Variants in KIAA1217 observed in about 807,000 individuals in gnomAD.
The protein encoded by KIAA1217 is sickle tail protein homolog.
Under a neutral mutation model 163.9 loss-of-function variants are expected in KIAA1217, and 88 were observed. The ratio of observed to expected loss-of-function variants is 0.54; its 90% CI spans 0.45 to 0.64. The LOEUF (loss-of-function observed/expected upper bound fraction) is 0.64. Ranked by LOEUF, KIAA1217 falls within the 30% of genes least tolerant of loss-of-function variation. The probability of loss-of-function intolerance (pLI) is 0.00; values close to 1 mark genes in which losing one functional copy is unlikely to be tolerated. For synonymous variants in KIAA1217, 903 were observed against 923.1 expected, an observed-to-expected ratio of 0.98 and a Z score of 0.39; for missense variants, 2,372 against 2,475.0, an observed-to-expected ratio of 0.96 and a Z score of 0.88.
At chr10:23,861,524 C>A (rs1156749983) in intron 1 of KIAA1217, among the ~76,000 whole-genome samples, 1 of 152,144 alleles carries the variant, frequency 6.6e-6, no homozygotes, top group Non-Finnish European at 1.5e-5. Flanking sequence ...CCTGGATTAT[C>A]TGTGTGGGCC....
chr10:23,825,155 C>G (rs935783811), intron 1 of KIAA1217, among the ~76,000 whole-genome samples: 1 of 152,158 alleles, frequency 6.6e-6, no homozygotes, highest in East Asian at 1.9e-4. Flanking sequence ...TCTGCAAACC[C>G]TATTAGTGGT....
At chr10:23,716,106 A>T (rs1246882321) in intron 1 of KIAA1217, among the ~76,000 whole-genome samples, 1 of 152,204 alleles carries the variant, frequency 6.6e-6, no homozygotes, top group African/African-American at 2.4e-5. Flanking sequence ...GCTGCATGCA[A>T]GAGATTTACG....
rs549918962 is a variant in KIAA1217, at chr10:24,327,888, G to A, written c.355-52981G>A. On this transcript the variant is annotated intron_variant, in intron 2 of 20. Transcript: ENST00000376454. Reference sequence around the variant, plus strand: ...AAGATTCAAACTCTAGTTCTAGAGAGCATTATCATTAACCCATTTTCTCCA... The same window carrying A: ...AAGATTCAAACTCTAGTTCTAGAGAACATTATCATTAACCCATTTTCTCCA... Among the ~76,000 whole-genome samples the A allele has an allele frequency of 3.3e-5, 5 of 151,058 alleles. No homozygotes were observed. In the East Asian group the frequency reaches 1.1e-3, roughly 32 times the overall value.
chr10:23,843,305 A>AC (rs1838875841), intron 1 of KIAA1217, among the ~76,000 whole-genome samples: 1 of 152,224 alleles, frequency 6.6e-6, no homozygotes, highest in Non-Finnish European at 1.5e-5. Flanking sequence ...AAATAGTCCT[A>AC]CCCCCAAAGT....
intron 2 of KIAA1217, among the ~76,000 whole-genome samples, chr10:24,081,568 C>G (rs181912550): frequency 5.3e-5 from 8 of 152,270 alleles, no homozygotes; most frequent in African/African-American, 1.7e-4. Context: ...CAGCTTCTTG[C>G]CTTGCTTTTC....
At chr10:23,768,864 C>G (rs1834665781) in intron 1 of KIAA1217, among the ~76,000 whole-genome samples, 1 of 152,024 alleles carries the variant, frequency 6.6e-6, no homozygotes, top group Non-Finnish European at 1.5e-5. Context: ...CTGGAGCTGC[C>G]CAGATCCACA....
At chr10:23,976,973 T>C (rs1045869218) in intron 1 of KIAA1217, among the ~76,000 whole-genome samples, 7 of 152,224 alleles carry the variant, frequency 4.6e-5, no homozygotes, top group African/African-American at 1.7e-4. Context: ...ACGACACCAC[T>C]TTCTTTCTCA....
In KIAA1217 at chr10:23,719,303, G is replaced by A. The variant is rs1157078966; in HGVS notation, c.-321+24069G>A. Among the ~76,000 whole-genome samples, 6 of 152,146 alleles carry A rather than the reference G, an allele frequency of 3.9e-5. No individual in the cohort carries two copies. In the South Asian group the frequency reaches 6.2e-4, roughly 16 times the overall value. ...ATTGAAAGAAGTCTAGGCCTAGTCC[G>A]GGTGCCGTGGCTCATGCCTGTAATC... On this transcript the variant is annotated intron_variant, in intron 1 of 18. Coordinates refer to the KIAA1217 transcript ENST00000376462.
chr10:24,361,982 CAAAAAAAAAAA>C (rs68117028), intron 2 of KIAA1217, among the ~76,000 whole-genome samples: 2 of 100,574 alleles, frequency 2.0e-5, no homozygotes, highest in Non-Finnish European at 3.9e-5. Context: ...GACTCTGTCT[CAAAAAAAAAAA>C]AAAAAAAAAA....
At chr10:24,031,549 C>T (rs908211550) in intron 2 of KIAA1217, among the ~76,000 whole-genome samples, 2 of 152,168 alleles carry the variant, frequency 1.3e-5, no homozygotes, top group Admixed American at 6.5e-5. Context: ...ATCCGCCCAC[C>T]TTGGCCTCCC....
At chr10:23,880,010 G>T (rs1840881023) in intron 1 of KIAA1217, among the ~76,000 whole-genome samples, 1 of 151,894 alleles carries the variant, frequency 6.6e-6, no homozygotes. Context: ...GGTGGGTGCT[G>T]GAGGACAGTC....
intron 13 of KIAA1217, among the ~76,000 whole-genome samples, chr10:24,525,761 G>T (rs1213745988): frequency 6.6e-6 from 1 of 152,128 alleles, no homozygotes; most frequent in Non-Finnish European, 1.5e-5. Context: ...GGCCGAGGCG[G>T]GTCGATCACT....
rs1315633601 is a variant in KIAA1217 at position 24,547,662 on chromosome 10, G to A, written c.*1338G>A. 5 of 152,182 alleles carry A rather than the reference G, an allele frequency of 3.3e-5. No homozygotes were observed. The highest frequency in any genetic ancestry group is 1.2e-4 in the African/African-American group (5 of 41,420). The allele number at this position is 152,182 out of a possible 1,614,324, so 9.4% of individuals were successfully genotyped here. On this transcript the variant is annotated 3_prime_UTR_variant, in exon 21 of 21. Coordinates refer to ENST00000376454, the MANE Select transcript of KIAA1217 (RefSeq NM_019590.5). ...AGTTCCTAATAAATTAATTGCAAGT[G>A]TGGTGCCTTGGATGTGGCCTGTTGG...
At chr10:24,300,258 TAGTC>T (rs1833710510) in intron 2 of KIAA1217, among the ~76,000 whole-genome samples, 1 of 152,208 alleles carries the variant, frequency 6.6e-6, no homozygotes, top group Non-Finnish European at 1.5e-5. Context: ...GATCACTGCT[TAGTC>T]AGTTTCCTTT....
At chr10:24,317,519 GAGGAA>G (rs879596051) in intron 2 of KIAA1217, among the ~76,000 whole-genome samples, 3 of 152,170 alleles carry the variant, frequency 2.0e-5, no homozygotes, top group Non-Finnish European at 4.4e-5. Flanking sequence ...AAGGGGTGAT[GAGGAA>G]AATACATTGC....
intron 1 of KIAA1217, among the ~76,000 whole-genome samples, chr10:23,768,599 G>A (rs117351052): frequency 0.027 from 4,131 of 152,298 alleles, 75 homozygotes; most frequent in Non-Finnish European, 0.042. Context: ...ACTTTTCAAT[G>A]AGGAAAGTAT....
At chr10:24,023,489 C>G (rs1348058615) in intron 2 of KIAA1217, among the ~76,000 whole-genome samples, 2 of 151,674 alleles carry the variant, frequency 1.3e-5, no homozygotes, top group Non-Finnish European at 3.0e-5. Context: ...ACAGTATTCA[C>G]TGGGTACAAA....
chr10:24,068,007 G>C (rs2061033491), intron 2 of KIAA1217, among the ~76,000 whole-genome samples: 1 of 152,206 alleles, frequency 6.6e-6, no homozygotes, highest in Non-Finnish European at 1.5e-5. Context: ...CAGTATTAGG[G>C]TGGGAGTAAC....
chr10:24,538,976 C>A (rs1453159426), intron 17 of KIAA1217, among the ~76,000 whole-genome samples: 1 of 151,960 alleles, frequency 6.6e-6, no homozygotes, highest in African/African-American at 2.4e-5. Flanking sequence ...TCGTGATCCA[C>A]CCGCCTCAGC....
Sources: allele counts gnomAD v4.1 joint callset (sites outside exome capture counted in the v4.1 genomes callset), GRCh38; gene constraint gnomAD v4.1.1; transcripts MANE v1.5; gene names NCBI Gene and HGNC (gene_info 2026-07-23, HGNC 2026-07-21).